RGS6: variants seen among roughly 807,000 people sequenced by gnomAD.
RGS6 encodes the protein regulator of G-protein signaling 6.
In RGS6, 30 loss-of-function variants were observed where a neutral mutation model predicts 78.5. The ratio of observed to expected loss-of-function variants is 0.38; its 90% CI spans 0.29 to 0.52. The LOEUF is 0.52. Ranked by LOEUF, RGS6 falls within the 20% of genes least tolerant of loss-of-function variation. RGS6 has a pLI of 0.85. For synonymous variants in RGS6, 206 were observed against 206.0 expected, an observed-to-expected ratio of 1.00 and a Z score of 0.00; for missense variants, 495 against 609.7, an observed-to-expected ratio of 0.81 and a Z score of 1.98.
At chr14:72,214,245 C>T (rs543810042) in intron 2 of RGS6, among the ~76,000 whole-genome samples, 21 of 150,262 alleles carry the variant, frequency 1.4e-4, no homozygotes, top group South Asian at 6.3e-4. Context: ...GGTGCAACCT[C>T]GGCTCACTGC....
intron 2 of RGS6, among the ~76,000 whole-genome samples, chr14:72,039,813 A>C (rs1296277484): frequency 1.5e-5 from 1 of 68,924 alleles, no homozygotes; most frequent in Non-Finnish European, 2.7e-5. Context: ...TGTTTCATTG[A>C]TTTTTTTTTT....
intron 3 of RGS6, among the ~76,000 whole-genome samples, chr14:72,448,561 A>G (rs901844887): frequency 1.3e-5 from 2 of 152,144 alleles, no homozygotes; most frequent in Non-Finnish European, 2.9e-5. Context: ...CCTTCCATTC[A>G]TTTGCAAAAT....
chr14:71,874,519 T>C, the RGS6 span, among the ~76,000 whole-genome samples: 19 of 152,360 alleles, frequency 1.2e-4, no homozygotes, highest in African/African-American at 4.3e-4. Flanking sequence ...CTGAAGTTGC[T>C]TATCAGCTTA....
intron 2 of RGS6, among the ~76,000 whole-genome samples, chr14:72,153,479 C>T (rs2096723619): frequency 6.6e-6 from 1 of 152,206 alleles, no homozygotes; most frequent in Admixed American, 6.5e-5. Flanking sequence ...AGTGAGATCC[C>T]TCATTCTTCT....
At chr14:72,575,889 C>T in the RGS6 span, among the ~76,000 whole-genome samples, 5 of 152,208 alleles carry the variant, frequency 3.3e-5, no homozygotes, top group East Asian at 1.9e-4. Flanking sequence ...GACTTGCTTT[C>T]GGCTCCCTGT....
the RGS6 span, among the ~76,000 whole-genome samples, chr14:72,626,651 A>G: frequency 4.3e-3 from 655 of 152,228 alleles, 7 homozygotes; most frequent in African/African-American, 0.015. Context: ...AAATAACCTT[A>G]TGCATTCCAT....
chr14:72,532,873 A>G (rs867015344), intron 15 of RGS6, among the ~76,000 whole-genome samples: 11 of 152,392 alleles, frequency 7.2e-5, no homozygotes, highest in Middle Eastern at 3.4e-3. Flanking sequence ...GTTTACAAAA[A>G]GAAACCAAGT....
chr14:72,319,714 C>T (rs551964756), intron 2 of RGS6, among the ~76,000 whole-genome samples: 8 of 151,928 alleles, frequency 5.3e-5, no homozygotes, highest in Non-Finnish European at 8.8e-5. Flanking sequence ...TAGACACTGC[C>T]GAACATAGAA....
intron 6 of RGS6, among the ~76,000 whole-genome samples, chr14:72,459,904 G>A (rs1244350436): frequency 6.6e-6 from 1 of 152,208 alleles, no homozygotes; most frequent in Non-Finnish European, 1.5e-5. Context: ...GGGGAAGCAG[G>A]AGAGGGAAGA....
intron 3 of RGS6, among the ~76,000 whole-genome samples, chr14:72,427,166 A>C (rs2094462493): frequency 6.6e-6 from 1 of 152,242 alleles, no homozygotes; most frequent in Non-Finnish European, 1.5e-5. Flanking sequence ...ACCGTGGCCC[A>C]AAAATAGGTG....
At chr14:71,921,624 G>A in the RGS6 span, among the ~76,000 whole-genome samples, 2,329 of 152,274 alleles carry the variant, frequency 0.015, 68 homozygotes, top group African/African-American at 0.053. Context: ...GAAAAATACC[G>A]CATGATCTCA....
intron 2 of RGS6, among the ~76,000 whole-genome samples, chr14:72,196,481 A>T (rs2040187736): frequency 1.3e-5 from 2 of 152,118 alleles, no homozygotes; most frequent in Admixed American, 1.3e-4. Context: ...GGGACCTAGA[A>T]TCACTGCTAT....
intron 2 of RGS6, among the ~76,000 whole-genome samples, chr14:72,292,316 A>G (rs2238203): frequency 0.058 from 8,769 of 152,240 alleles, 417 homozygotes; most frequent in East Asian, 0.29. Flanking sequence ...GTGTATCACA[A>G]CGCTCCATTT....
the RGS6 span, among the ~76,000 whole-genome samples, chr14:71,917,673 C>T: frequency 2.4e-4 from 37 of 152,234 alleles, no homozygotes; most frequent in African/African-American, 8.2e-4. Flanking sequence ...CAAACAATAG[C>T]AAAAACTTTG....
intron 1 of RGS6, among the ~76,000 whole-genome samples, chr14:71,963,133 T>A (rs1329751428): frequency 1.3e-5 from 2 of 152,202 alleles, no homozygotes; most frequent in Non-Finnish European, 2.9e-5. Flanking sequence ...GAAGGTGCCT[T>A]GGCATGACTC....
chr14:72,041,203 C>G (rs566106975), intron 2 of RGS6, among the ~76,000 whole-genome samples: 1 of 152,300 alleles, frequency 6.6e-6, no homozygotes, highest in African/African-American at 2.4e-5. Flanking sequence ...ACCAGCTCTT[C>G]CAGTCTTAAT....
At chr14:72,526,191 C>T (rs934371178) in intron 15 of RGS6, among the ~76,000 whole-genome samples, 10 of 151,924 alleles carry the variant, frequency 6.6e-5, no homozygotes, top group Non-Finnish European at 1.3e-4. Context: ...GCAAGCTCTG[C>T]CTCCTGGGTT....
intron 2 of RGS6, among the ~76,000 whole-genome samples, chr14:72,082,210 G>A (rs534804477): frequency 6.6e-6 from 1 of 152,182 alleles, no homozygotes; most frequent in Admixed American, 6.5e-5. Flanking sequence ...TTGTGATAAA[G>A]ATTAATTGCA....
At chr14:72,086,833 C>A (rs1490979995) in intron 2 of RGS6, among the ~76,000 whole-genome samples, 1 of 152,150 alleles carries the variant, frequency 6.6e-6, no homozygotes, top group African/African-American at 2.4e-5. Context: ...CATGGGATAA[C>A]AAATGTAAGA....
Sources: gnomAD v4.1 joint callset for allele counts (sites outside exome capture counted in the v4.1 genomes callset) on GRCh38, gnomAD v4.1.1 for gene constraint, MANE v1.5 for transcripts, NCBI Gene and HGNC (gene_info 2026-07-23, HGNC 2026-07-21) for gene names.